COL21A1: variants seen among roughly 807,000 people sequenced by gnomAD.
COL21A1 encodes the protein collagen type XXI alpha 1 chain, also known as collagen alpha-1(XXI) chain.
A neutral mutation model predicts 137.9 loss-of-function variants in COL21A1; 149 were observed. That is an observed-to-expected ratio of 1.08 (90% CI 0.95 to 1.24). COL21A1 has a LOEUF of 1.24. Ranked by LOEUF, COL21A1 falls within the 50% of genes most tolerant of loss-of-function variation. The pLI is 0.00. For missense variants in COL21A1, 1,167 were observed against 1,158.4 expected (o/e 1.01, Z -0.11); for synonymous variants, 456 against 391.5 (o/e 1.16, Z -1.95).
At chr6:56,268,275 C>G (rs1294529345) in intron 1 of COL21A1, among the ~76,000 whole-genome samples, 1 of 152,130 alleles carries the variant, frequency 6.6e-6, no homozygotes, top group Admixed American at 6.5e-5. Context: ...TGGCCTCTAC[C>G]CAAAGTAGCC....
intron 8 of COL21A1, 83 bp from the exon 9 acceptor site, chr6:56,164,589 T>A: frequency 9.0e-7 from 1 of 1,110,324 alleles, no homozygotes; most frequent in Non-Finnish European, 1.3e-6. Flanking sequence ...CATTTATATA[T>A]TTGTGTAAAA....
intron 1 of COL21A1, among the ~76,000 whole-genome samples, chr6:56,326,879 C>T (rs2152342888): frequency 6.6e-6 from 1 of 152,114 alleles, no homozygotes; most frequent in Non-Finnish European, 1.5e-5. Flanking sequence ...ACTAGACATT[C>T]ACACCTGAAT....
intron 1 of COL21A1, among the ~76,000 whole-genome samples, chr6:56,214,073 G>C (rs564380275): frequency 1.3e-5 from 2 of 152,180 alleles, no homozygotes; most frequent in East Asian, 1.9e-4. Flanking sequence ...ACTTTAATAA[G>C]CTAAATGTGA....
intron 1 of COL21A1, among the ~76,000 whole-genome samples, chr6:56,338,538 C>T (rs991774661): frequency 1.3e-5 from 2 of 152,196 alleles, no homozygotes; most frequent in Non-Finnish European, 2.9e-5. Context: ...AGCCCAGGTA[C>T]TTTCAACAGT....
chr6:56,085,403 A>G (rs1768145943), intron 17 of COL21A1, among the ~76,000 whole-genome samples: 1 of 152,122 alleles, frequency 6.6e-6, no homozygotes, highest in South Asian at 2.1e-4. Context: ...AACAAAACAC[A>G]AAATATTATA....
chr6:56,328,373 T>C (rs1056262655), intron 1 of COL21A1, among the ~76,000 whole-genome samples: 2 of 152,116 alleles, frequency 1.3e-5, no homozygotes, highest in African/African-American at 4.8e-5. Context: ...CAGAGTATAA[T>C]TGTCTCTTCA....
chr6:56,370,574 C>G (rs1454564761), intron 1 of COL21A1, among the ~76,000 whole-genome samples: 1 of 152,172 alleles, frequency 6.6e-6, no homozygotes, highest in Non-Finnish European at 1.5e-5. Flanking sequence ...TCAAAATAAA[C>G]CGTACAATTG....
chr6:56,203,991 C>G (rs1352846249), intron 1 of COL21A1, among the ~76,000 whole-genome samples: 1 of 152,200 alleles, frequency 6.6e-6, no homozygotes, highest in South Asian at 2.1e-4. Flanking sequence ...GAGATTCCCT[C>G]TGGTGCCTAC....
chr6:56,098,332 A>T (rs1219922511), intron 17 of COL21A1, among the ~76,000 whole-genome samples: 1 of 52,394 alleles, frequency 1.9e-5, no homozygotes, highest in African/African-American at 8.9e-5. Flanking sequence ...TAAATATATA[A>T]ACACATATGT....
At chr6:56,268,969 A>T (rs550610824) in intron 1 of COL21A1, among the ~76,000 whole-genome samples, 13 of 152,372 alleles carry the variant, frequency 8.5e-5, no homozygotes, top group East Asian at 7.7e-4. Context: ...CAAGAATTTC[A>T]TAATACAATT....
At chr6:56,182,214 A>C (rs2152282826) in intron 2 of COL21A1, among the ~76,000 whole-genome samples, 1 of 152,270 alleles carries the variant, frequency 6.6e-6, no homozygotes, top group East Asian at 1.9e-4. Context: ...AGTCCTGATA[A>C]CCAATCTAGA....
intron 17 of COL21A1, among the ~76,000 whole-genome samples, chr6:56,097,087 G>A (rs1286202864): frequency 6.6e-6 from 1 of 152,012 alleles, no homozygotes. Context: ...ATTGTTTCCA[G>A]ACATCAGCAA....
chr6:56,116,396 TAAAAAAAAAAAA>T (rs370697652), intron 16 of COL21A1, among the ~76,000 whole-genome samples: 1 of 90,834 alleles, frequency 1.1e-5, no homozygotes, highest in Non-Finnish European at 2.1e-5. Flanking sequence ...GTGCCAAAGG[TAAAAAAAAAAAA>T]AAAAAAAAAA....
intron 1 of COL21A1, among the ~76,000 whole-genome samples, chr6:56,224,386 C>T (rs1400166326): frequency 6.6e-6 from 1 of 152,032 alleles, no homozygotes; most frequent in Non-Finnish European, 1.5e-5. Context: ...GAACAAATAG[C>T]CATGTATAGC....
Position 56,124,238 on chromosome 6 carries a change from C to T in COL21A1, c.1704+1G>A. The T allele has an allele frequency of 1.3e-6, 2 of 1,598,784 alleles. No homozygotes were observed. Among genetic ancestry groups the T allele is most frequent in the African/African-American group, 1.3e-5 (1 of 74,752 alleles). On this transcript the variant is annotated splice_donor_variant, in intron 15 of 29. Coordinates refer to ENST00000244728, the MANE Select transcript of COL21A1 (RefSeq NM_030820.4). LOFTEE classifies it high-confidence loss of function. Reference sequence around the variant, plus strand: ...TAAGAGCTTTTTTCTATCAAACTCACAGCAGGTCCAGGGAGGCCAGGGAAG... The same window carrying T: ...TAAGAGCTTTTTTCTATCAAACTCATAGCAGGTCCAGGGAGGCCAGGGAAG...
intron 1 of COL21A1, among the ~76,000 whole-genome samples, chr6:56,291,131 T>A (rs1004418330): frequency 6.6e-6 from 1 of 152,140 alleles, no homozygotes; most frequent in Non-Finnish European, 1.5e-5. Flanking sequence ...ACAGTGAGAA[T>A]CTTGTATAAA....
At chr6:56,074,575 A>C (rs1767043690) in intron 19 of COL21A1, among the ~76,000 whole-genome samples, 1 of 151,422 alleles carries the variant, frequency 6.6e-6, no homozygotes, top group African/African-American at 2.4e-5. Context: ...AAAAATATAA[A>C]GGAAAATTTT....
intron 2 of COL21A1, among the ~76,000 whole-genome samples, chr6:56,181,567 C>CCTGTGA (rs1367365375): frequency 6.6e-6 from 1 of 152,098 alleles, no homozygotes; most frequent in African/African-American, 2.4e-5. Flanking sequence ...GCCCTTCCTA[C>CCTGTGA]CCTTCTCCCT....
At chr6:56,323,709 A>G (rs1385279761) in intron 1 of COL21A1, among the ~76,000 whole-genome samples, 1 of 152,124 alleles carries the variant, frequency 6.6e-6, no homozygotes, top group African/African-American at 2.4e-5. Context: ...TTGAAGGAGT[A>G]GCTCTTTCTT....
Sources: allele counts gnomAD v4.1 joint callset (sites outside exome capture counted in the v4.1 genomes callset), GRCh38; gene constraint gnomAD v4.1.1; transcripts MANE v1.5; gene names NCBI Gene and HGNC (gene_info 2026-07-23, HGNC 2026-07-21).